The following C8orf74 variants were observed in gnomAD, a reference collection of about 807,000 sequenced individuals.
C8orf74 encodes the protein chromosome 8 open reading frame 74.
Under a neutral mutation model 22.2 loss-of-function variants are expected in C8orf74, and 29 were observed. The ratio of observed to expected loss-of-function variants is 1.31; its 90% CI spans 0.97 to 1.78. The LOEUF is 1.78. Ranked by LOEUF, C8orf74 falls within the 40% of genes most tolerant of loss-of-function variation. The pLI, the probability that C8orf74 is intolerant of heterozygous loss-of-function variation, is 0.00. For synonymous variants in C8orf74, 255 were observed against 163.1 expected, an observed-to-expected ratio of 1.56 and a Z score of -4.30; for missense variants, 515 against 369.9, an observed-to-expected ratio of 1.39 and a Z score of -3.22.
chr8:10,691,947 T>G (rs867580895), intron 2 of C8orf74: 1 of 152,442 alleles, frequency 6.6e-6, no homozygotes, highest in Admixed American at 6.5e-5. Context: ...CACGCAGCCA[T>G]GCTGTGCCCC....
intron 2 of C8orf74, among the ~76,000 whole-genome samples, chr8:10,678,887 C>T (rs1228642203): frequency 2.0e-5 from 3 of 152,208 alleles, no homozygotes; most frequent in Admixed American, 1.3e-4. Flanking sequence ...GCCCAGGTGG[C>T]GTCCTAGTCA....
chr8:10,693,757 G>A (rs1026715331), intron 2 of C8orf74, among the ~76,000 whole-genome samples: 21 of 152,218 alleles, frequency 1.4e-4, no homozygotes, highest in Non-Finnish European at 2.5e-4. Context: ...TGGGGGTTGT[G>A]CCAGTTTCTG....
chr8:10,686,747 C>A (rs1266193103), intron 2 of C8orf74: 2 of 158,766 alleles, frequency 1.3e-5, no homozygotes, highest in East Asian at 1.8e-4. Flanking sequence ...GGAAGTCTGG[C>A]CCATCTAGCA....
intron 2 of C8orf74, among the ~76,000 whole-genome samples, chr8:10,683,185 G>T (rs1042438656): frequency 2.6e-5 from 4 of 152,372 alleles, no homozygotes; most frequent in Admixed American, 2.6e-4. Context: ...TCACACACCT[G>T]CTGACTTCCT....
At chr8:10,674,116 C>T (rs1198690129) in intron 1 of C8orf74, among the ~76,000 whole-genome samples, 1 of 146,564 alleles carries the variant, frequency 6.8e-6, no homozygotes, top group Non-Finnish European at 1.5e-5. Flanking sequence ...ATATCATACC[C>T]TGCAGCCCCC....
At chr8:10,685,295 C>T (rs889622227) in intron 2 of C8orf74, among the ~76,000 whole-genome samples, 4 of 152,186 alleles carry the variant, frequency 2.6e-5, no homozygotes, top group African/African-American at 7.2e-5. Context: ...TCTCTGGGTA[C>T]ACACCCAAAA....
intron 2 of C8orf74, among the ~76,000 whole-genome samples, chr8:10,675,325 G>T (rs1200138890): frequency 2.0e-5 from 3 of 152,222 alleles, no homozygotes; most frequent in Non-Finnish European, 4.4e-5. Context: ...CCCTGTGCAG[G>T]GCTTGCATGA....
chr8:10,676,961 A>C (rs1481357202), intron 2 of C8orf74, among the ~76,000 whole-genome samples: 1 of 152,218 alleles, frequency 6.6e-6, no homozygotes, highest in African/African-American at 2.4e-5. Context: ...GTCGATGATG[A>C]TGCAAACCCA....
At chr8:10,690,708 A>G (rs1472715335) in intron 2 of C8orf74, among the ~76,000 whole-genome samples, 1 of 151,674 alleles carries the variant, frequency 6.6e-6, no homozygotes, top group Non-Finnish European at 1.5e-5. Context: ...CCCAGCCCAG[A>G]CTCCGGGTAT....
At chr8:10,696,899 C>G (rs564557837) in intron 2 of C8orf74, among the ~76,000 whole-genome samples, 1 of 148,118 alleles carries the variant, frequency 6.8e-6, no homozygotes, top group Non-Finnish European at 1.5e-5. Context: ...GTGGTTCACT[C>G]TTGTAATCCC....
chr8:10,696,441 C>CT (rs546082377), intron 2 of C8orf74, among the ~76,000 whole-genome samples: 3,292 of 102,392 alleles, frequency 0.032, 124 homozygotes, highest in East Asian at 0.04. Context: ...CTTTTCTTTT[C>CT]TTTTTTTTTT....
intron 2 of C8orf74, among the ~76,000 whole-genome samples, chr8:10,677,145 AC>A (rs1410122212): frequency 6.6e-6 from 1 of 151,932 alleles, no homozygotes; most frequent in African/African-American, 2.4e-5. Context: ...GCTTCCACAG[AC>A]ACCCCCTAAG....
At position 10,680,864 on chromosome 8, in the gene C8orf74, G is replaced by A. The variant is rs185913723; in HGVS notation, c.241+6026G>A. On this transcript the variant is annotated intron_variant, in intron 2 of 3. Transcript: ENST00000304519. Reference sequence around the variant, plus strand: ...TTCCACCTTGCATCCCACCCTGTCCGCCTCCTGGCATTGTCCCCATTTCAG... The same window carrying A: ...TTCCACCTTGCATCCCACCCTGTCCACCTCCTGGCATTGTCCCCATTTCAG... Among the ~76,000 whole-genome samples the A allele has an allele frequency of 7.2e-3, 1,097 of 152,252 alleles. 3 individuals are homozygous for A. The highest frequency in any genetic ancestry group is 0.011 in the Non-Finnish European group (752 of 68,030).
At chr8:10,692,654 G>C (rs1333503717) in intron 2 of C8orf74, 1 of 151,830 alleles carries the variant, frequency 6.6e-6, no homozygotes, top group Admixed American at 6.6e-5. Context: ...CTAAAGGCAT[G>C]CACCACCATG....
intron 2 of C8orf74, among the ~76,000 whole-genome samples, chr8:10,675,994 G>A (rs1799024380): frequency 6.6e-6 from 1 of 152,140 alleles, no homozygotes; most frequent in South Asian, 2.1e-4. Context: ...CATGTTCAGG[G>A]TGAGGGTCTG....
rs1297421270 is a variant in C8orf74 at position 10,697,833 on chromosome 8, G to C, written c.476G>C (p.Arg159Thr). 1 of 1,613,740 alleles carries C rather than the reference G, an allele frequency of 6.2e-7. No homozygotes were observed. Among genetic ancestry groups the C allele is most frequent in the Non-Finnish European group, 8.5e-7 (1 of 1,179,810 alleles). The change falls in exon 3 of 4, where the codon AGG (arginine) becomes ACG (threonine). Residue 159 changes from arginine to threonine, a missense_variant. Coordinates refer to ENST00000304519, the MANE Select transcript of C8orf74 (RefSeq NM_001040032.2). ...HPLPLAEGMDRDLWIHEQQVA... is the reference protein window; with the variant it reads ...HPLPLAEGMDTDLWIHEQQVA... ...CTCCCGCTGGCCGAGGGCATGGACA[G>C]GGACTTGTGGATCCACGAGCAGCAG... is the stretch of plus-strand genomic sequence containing the variant.
chr8:10,681,246 C>T (rs1215209075), intron 2 of C8orf74, among the ~76,000 whole-genome samples: 2 of 152,132 alleles, frequency 1.3e-5, no homozygotes, highest in African/African-American at 4.8e-5. Context: ...GTTCTGCTCT[C>T]CACACCAGGC....
chr8:10,690,947 A>G (rs907449115), intron 2 of C8orf74: 2 of 455,922 alleles, frequency 4.4e-6, no homozygotes, highest in Non-Finnish European at 8.8e-6. Flanking sequence ...ACTCCCTGTT[A>G]TTGAAGAGCA....
chr8:10,679,235 G>A (rs550594729), intron 2 of C8orf74, among the ~76,000 whole-genome samples: 7 of 152,264 alleles, frequency 4.6e-5, no homozygotes, highest in African/African-American at 1.7e-4. Context: ...AGGAAGCCCT[G>A]AAAGTGTGCA....
Sources: allele counts gnomAD v4.1 joint callset (sites outside exome capture counted in the v4.1 genomes callset), GRCh38; gene constraint gnomAD v4.1.1; transcripts MANE v1.5; gene names NCBI Gene and HGNC (gene_info 2026-07-23, HGNC 2026-07-21).